MYO1H: variants seen among roughly 807,000 people sequenced by gnomAD.
The protein encoded by MYO1H is unconventional myosin-Ih.
Under a neutral mutation model 149.3 loss-of-function variants are expected in MYO1H, and 118 were observed. The observed-to-expected ratio is 0.79, with a 90% CI of 0.68 to 0.92. The LOEUF (loss-of-function observed/expected upper bound fraction) is 0.92, where lower values mean the gene tolerates loss of function less well. Ranked by LOEUF, MYO1H falls within the 40% of genes least tolerant of loss-of-function variation. The pLI is 0.00. For synonymous variants in MYO1H, 447 were observed against 465.2 expected (o/e 0.96, Z 0.50); for missense variants, 1,212 against 1,280.7 (o/e 0.95, Z 0.82).
At chr12:109,352,772 A>T (rs1286968212) in intron 1 of MYO1H, among the ~76,000 whole-genome samples, 2 of 152,360 alleles carry the variant, frequency 1.3e-5, no homozygotes, top group East Asian at 3.9e-4. Flanking sequence ...AAAGTTGCAG[A>T]CATCAGCATA....
intron 15 of MYO1H, among the ~76,000 whole-genome samples, chr12:109,417,720 AC>A (rs1870985653): frequency 6.6e-6 from 1 of 152,170 alleles, no homozygotes; most frequent in African/African-American, 2.4e-5. Flanking sequence ...ATGATATTAA[AC>A]ATGTTTTCAC....
rs1872264877 is a variant in MYO1H, at chr12:109,443,113, T to TGTATATATGTGTAC, written c.2689-395_2689-394insATGTGTACGTATAT. Among the ~76,000 whole-genome samples the TGTATATATGTGTAC allele has an allele frequency of 1.6e-5, 2 of 125,090 alleles. 1 individual carries two copies. The highest frequency in any genetic ancestry group is 6.5e-5 in the African/African-American group (2 of 30,998). 82.1% of individuals were successfully genotyped at this position (125,090 alleles called of 152,430 possible). A position where few individuals can be genotyped will look rare whatever the true frequency, so the allele number is the denominator to read the frequency against. Reference sequence around the variant, plus strand: ...GTGTATATATGTGTACGTATATGTGTGTATATGTGTACGTATATATGTGTG... The same window carrying TGTATATATGTGTAC: ...GTGTATATATGTGTACGTATATGTGTGTATATATGTGTACGTATATGTGTACGTATATATGTGTG... On this transcript the variant is annotated intron_variant, in intron 27 of 31. Coordinates refer to ENST00000310903, the Ensembl canonical transcript of MYO1H.
chr12:109,332,123 A>T, the MYO1H span, among the ~76,000 whole-genome samples: 1 of 152,188 alleles, frequency 6.6e-6, no homozygotes, highest in African/African-American at 2.4e-5. Flanking sequence ...TTGCTATCTA[A>T]CAGAGAGCAG....
chr12:109,385,373 C>A (rs1376317657), intron 1 of MYO1H, among the ~76,000 whole-genome samples: 1 of 149,100 alleles, frequency 6.7e-6, no homozygotes, highest in Non-Finnish European at 1.5e-5. Flanking sequence ...TGGCTCATTG[C>A]AGCCTCAGCC....
intron 19 of MYO1H, among the ~76,000 whole-genome samples, chr12:109,429,875 G>A (rs1455869822): frequency 6.6e-6 from 1 of 152,190 alleles, no homozygotes; most frequent in Non-Finnish European, 1.5e-5. Flanking sequence ...ACTTTTCACA[G>A]TTCTGGAGGA....
At chr12:109,313,259 CA>C in the MYO1H span, among the ~76,000 whole-genome samples, 2 of 151,382 alleles carry the variant, frequency 1.3e-5, no homozygotes, top group African/African-American at 4.9e-5. Flanking sequence ...AAAAACAAAC[CA>C]AAAAAAACCC....
At chr12:109,332,073 C>G in the MYO1H span, among the ~76,000 whole-genome samples, 133 of 152,276 alleles carry the variant, frequency 8.7e-4, 2 homozygotes, top group South Asian at 0.025. Flanking sequence ...ATAAAATACT[C>G]AGCACAGTGT....
intron 16 of MYO1H, among the ~76,000 whole-genome samples, chr12:109,424,252 G>C (rs751724327): frequency 1.3e-5 from 2 of 151,956 alleles, no homozygotes; most frequent in African/African-American, 4.8e-5. Context: ...CCTCGACTTC[G>C]TGGGCTCAAG....
chr12:109,418,385 A>G (rs58832357), intron 15 of MYO1H, among the ~76,000 whole-genome samples: 34,541 of 151,098 alleles, frequency 0.23, 4,406 homozygotes, highest in African/African-American at 0.34. Context: ...GTCTTGCTTC[A>G]TTACCCAGGC....
At chr12:109,372,365 T>C (rs901622727) in intron 1 of MYO1H, among the ~76,000 whole-genome samples, 13 of 152,118 alleles carry the variant, frequency 8.5e-5, no homozygotes, top group African/African-American at 3.1e-4. Flanking sequence ...CCAACATTAA[T>C]TTTGAAAATT....
the MYO1H span, among the ~76,000 whole-genome samples, chr12:109,319,956 A>AT: frequency 6.6e-6 from 1 of 152,284 alleles, no homozygotes; most frequent in South Asian, 2.1e-4. Context: ...GAATTACTAA[A>AT]TTGGCTAGAC....
intron 8 of MYO1H, among the ~76,000 whole-genome samples, chr12:109,406,280 G>GC (rs1402031943): frequency 2.1e-5 from 3 of 140,692 alleles, no homozygotes; most frequent in Non-Finnish European, 4.9e-5. Flanking sequence ...ATAACCCTGG[G>GC]CCTGGATACT....
intron 2 of MYO1H, among the ~76,000 whole-genome samples, chr12:109,391,101 G>A (rs530648035): frequency 1.3e-5 from 2 of 152,234 alleles, no homozygotes; most frequent in South Asian, 4.2e-4. Context: ...TTAACTTCAG[G>A]GGTACATGTG....
intron 24 of MYO1H, 114 bp from the exon 25 acceptor site, chr12:109,440,630 G>A: frequency 1.3e-6 from 1 of 760,442 alleles, no homozygotes. Flanking sequence ...TATTAACACT[G>A]TGCTTGAAAT....
intron 15 of MYO1H, among the ~76,000 whole-genome samples, chr12:109,420,260 T>G (rs1475691000): frequency 6.6e-6 from 1 of 152,198 alleles, no homozygotes; most frequent in Non-Finnish European, 1.5e-5. Flanking sequence ...ACGAGTTCAG[T>G]TCTGAGGACC....
the MYO1H span, among the ~76,000 whole-genome samples, chr12:109,326,541 A>T: frequency 9.6e-6 from 1 of 104,564 alleles, no homozygotes; most frequent in Non-Finnish European, 2.2e-5. Flanking sequence ...TTATTTTTTG[A>T]GACAGCATCT....
chr12:109,346,699 T>G (rs2136989631), upstream of MYO1H, among the ~76,000 whole-genome samples: 1 of 151,584 alleles, frequency 6.6e-6, no homozygotes, highest in East Asian at 1.9e-4. Context: ...GGGGCGGAGG[T>G]TGCAGTGAAC....
intron 5 of MYO1H, among the ~76,000 whole-genome samples, chr12:109,400,005 G>A (rs1040720121): frequency 6.6e-6 from 1 of 152,150 alleles, no homozygotes; most frequent in Admixed American, 6.5e-5. Context: ...TGTGATCACA[G>A]GTTCATTTCA....
intron 1 of MYO1H, among the ~76,000 whole-genome samples, 176 bp downstream of exon 1, chr12:109,348,148 A>G (rs890611459): frequency 1.3e-5 from 2 of 152,234 alleles, no homozygotes; most frequent in African/African-American, 4.8e-5. Flanking sequence ...TCATGTAGAT[A>G]TCTCCCTTCT....
Sources: allele counts gnomAD v4.1 joint callset (sites outside exome capture counted in the v4.1 genomes callset), GRCh38; gene constraint gnomAD v4.1.1; transcripts MANE v1.5; gene names NCBI Gene and HGNC (gene_info 2026-07-23, HGNC 2026-07-21).